The following NCOA3 variants were observed in gnomAD, a reference collection of about 807,000 sequenced individuals.
NCOA3 encodes the protein CBP-interacting protein.
A neutral mutation model predicts 158.8 loss-of-function variants in NCOA3; 51 were observed. That is an observed-to-expected ratio of 0.32 (90% CI 0.26 to 0.41). The LOEUF is 0.41. Among genes scored for constraint, NCOA3 ranks in the 10% least tolerant of loss-of-function variants. The pLI is 1.00. For missense variants in NCOA3, 1,510 were observed against 1,746.6 expected, an observed-to-expected ratio of 0.86 and a Z score of 2.41; for synonymous variants, 537 against 592.4, an observed-to-expected ratio of 0.91 and a Z score of 1.36.
In NCOA3 at chr20:47,639,685, G is replaced by A. The variant is rs1385054217; in HGVS notation, c.2816G>A (p.Gly939Glu). The A allele has an allele frequency of 6.2e-7, 1 of 1,613,988 alleles. No individual in the cohort carries two copies. Among genetic ancestry groups the A allele is most frequent in the Non-Finnish European group, 8.5e-7 (1 of 1,180,016 alleles). Residue 939 changes from glycine to glutamate, a missense_variant, in exon 15 of 23, where the codon GGA becomes GAA. Physicochemically the swap from Gly to Glu is moderately conservative, Grantham distance 98. Coordinates refer to ENST00000371998, the MANE Select transcript of NCOA3 (RefSeq NM_181659.3). ...GAACCTATGAATTCAAACTCCATGG[G>A]AAGACCAGGAGGAGATTATAATACT... ...RMEPMNSNSM[G>E]RPGGDYNTSL...
chr20:47,558,232 A>ATT (rs71183263), intron 1 of NCOA3, among the ~76,000 whole-genome samples: 864 of 55,510 alleles, frequency 0.016, 68 homozygotes, highest in Non-Finnish European at 0.018. Flanking sequence ...CTAATTTTGT[A>ATT]TTTTTTTTTT....
chr20:47,510,697 G>A lies in NCOA3; in HGVS notation c.-99+8678G>A, dbSNP rs72661183. Among the ~76,000 whole-genome samples the A allele has an allele frequency of 1.1e-3, 166 of 152,062 alleles. 1 individual carries two copies. The highest frequency in any genetic ancestry group is 3.7e-3 in the African/African-American group (154 of 41,478). ...CAGCCTTGACCTACTGGGCTCAAGC[G>A]GTCCTCCCAGCGCAGCCTCCCAGTA... On this transcript the variant is annotated intron_variant, in intron 1 of 22. Coordinates refer to ENST00000371998, the MANE Select transcript of NCOA3 (RefSeq NM_181659.3).
chr20:47,553,822 A>G (rs1004020375), intron 1 of NCOA3, among the ~76,000 whole-genome samples: 2 of 152,000 alleles, frequency 1.3e-5, no homozygotes, highest in Non-Finnish European at 2.9e-5. Flanking sequence ...GGTTGGTTCC[A>G]AGTCTTTGCT....
chr20:47,568,433 T>G (rs1034562640), intron 1 of NCOA3, among the ~76,000 whole-genome samples: 1 of 152,168 alleles, frequency 6.6e-6, no homozygotes. Flanking sequence ...AGATAAAAAG[T>G]TATGTTTACA....
intron 2 of NCOA3, among the ~76,000 whole-genome samples, chr20:47,584,619 C>CAAA (rs59337239): frequency 1.8e-5 from 2 of 108,316 alleles, no homozygotes; most frequent in Non-Finnish European, 3.9e-5. Context: ...GACTTCATCT[C>CAAA]AAAAAAAAAA....
intron 3 of NCOA3, among the ~76,000 whole-genome samples, chr20:47,622,785 G>T (rs1199413048): frequency 6.6e-6 from 1 of 152,192 alleles, no homozygotes; most frequent in Non-Finnish European, 1.5e-5. Context: ...AATGTTTTGC[G>T]GGCGGGGTTA....
rs1266186518 is a variant in NCOA3, at chr20:47,576,666, A to G, written c.-98-6517A>G. Among the ~76,000 whole-genome samples the G allele has an allele frequency of 2.0e-5, 3 of 152,310 alleles. No individual in the cohort carries two copies. The East Asian group carries it at 5.8e-4, about 29-fold the overall frequency. ...CCTTATAAGAAAAGGAAAATGTGCA[A>G]TCCTGGTAGCCAATGAGTTAATGTT... is the stretch of plus-strand genomic sequence containing the variant. On this transcript the variant is annotated intron_variant, in intron 1 of 22. Coordinates refer to ENST00000371998, the MANE Select transcript of NCOA3 (RefSeq NM_181659.3).
intron 2 of NCOA3, among the ~76,000 whole-genome samples, chr20:47,613,961 C>T (rs899481134): frequency 1.3e-5 from 2 of 152,026 alleles, no homozygotes; most frequent in Non-Finnish European, 2.9e-5. Flanking sequence ...TACTTATCTC[C>T]TCACAGCTCT....
chr20:47,633,883 G>A, intron 9 of NCOA3, 165 bp from the exon 10 acceptor site: 1 of 921,120 alleles, frequency 1.1e-6, no homozygotes, highest in Admixed American at 2.8e-5. Flanking sequence ...GTAGGAAAAT[G>A]ATGCCTGAGT....
At chr20:47,588,054 A>G (rs938198387) in intron 2 of NCOA3, among the ~76,000 whole-genome samples, 2 of 150,578 alleles carry the variant, frequency 1.3e-5, no homozygotes, top group Non-Finnish European at 1.5e-5. Context: ...CCACCTCCCA[A>G]TTTTACCCAA....
chr20:47,639,490 A>T, intron 14 of NCOA3, 87 bp from the exon 15 acceptor site: 1 of 1,516,880 alleles, frequency 6.6e-7, no homozygotes, highest in Non-Finnish European at 8.9e-7. Context: ...GTCAAGGTTG[A>T]TGTTGTGTAT....
intron 1 of NCOA3, among the ~76,000 whole-genome samples, chr20:47,538,737 G>C (rs540192006): frequency 1.4e-4 from 22 of 152,128 alleles, no homozygotes; most frequent in African/African-American, 4.6e-4. Flanking sequence ...GTAGAGACAG[G>C]GTTTCCCCAT....
intron 1 of NCOA3, among the ~76,000 whole-genome samples, chr20:47,511,978 C>T (rs550524910): frequency 6.6e-6 from 1 of 151,834 alleles, no homozygotes. Context: ...GCAATCTATG[C>T]ATGTAACAAA....
intron 1 of NCOA3, among the ~76,000 whole-genome samples, chr20:47,577,717 T>A (rs186461653): frequency 1.1e-3 from 164 of 152,334 alleles, no homozygotes; most frequent in Middle Eastern, 6.8e-3. Flanking sequence ...CAGCAAGCAT[T>A]TAATTGAAAT....
Position 47,642,240 on chromosome 20 carries a change from T to G in NCOA3, c.3108T>G (p.Asp1036Glu). The change falls in exon 17 of 23, where the codon GAT becomes GAG. Residue 1036 changes from aspartate to glutamate, a missense_variant. By Grantham distance (45) the Asp-to-Glu change is conservative (BLOSUM62 2). Around this residue, in one of 4 missense-constraint regions of NCOA3, gnomAD observed 1,017 missense variants for 1,098.3 expected, o/e 0.93. Transcript: ENST00000371998. The part of the protein sequence containing the change: ...NRPLLRNSLD[D>E]LVGPPSNLEG... ...CTCTTCTTAGGAATTCCCTGGATGA[T>G]CTTGTTGGGCCACCTTCCAACCTGG... is the stretch of plus-strand genomic sequence containing the variant. The G allele has an allele frequency of 6.2e-7, 1 of 1,601,782 alleles. No individual in the cohort carries two copies. Among genetic ancestry groups the G allele is most frequent in the East Asian group, 2.2e-5 (1 of 44,694 alleles).
At chr20:47,525,348 C>T (rs1377070049) in intron 1 of NCOA3, among the ~76,000 whole-genome samples, 22 of 149,838 alleles carry the variant, frequency 1.5e-4, no homozygotes, top group African/African-American at 2.7e-4. Flanking sequence ...TACACAGACA[C>T]GGCAACCATC....
Position 47,656,567 on chromosome 20 carries a change from A to ATTGTT in NCOA3, c.*3153_*3157dup, listed in dbSNP as rs1241795340. ...GGAGCAAAACCTCAAGGATTGATTT[A>ATTGTT]TTGTTTTCAACTCCAAGGCACACTG... On this transcript the variant is annotated 3_prime_UTR_variant, in exon 23 of 23. Transcript: ENST00000371998. The ATTGTT allele has an allele frequency of 2.0e-5, 3 of 152,562 alleles. No homozygotes were observed. Among genetic ancestry groups the ATTGTT allele is most frequent in the African/African-American group, 4.8e-5 (2 of 41,418 alleles). The allele number at this position is 152,562 out of a possible 1,614,324, so 9.5% of individuals were successfully genotyped here.
chr20:47,639,528 G>C, intron 14 of NCOA3, 49 bp from the exon 15 acceptor site: 1 of 1,601,744 alleles, frequency 6.2e-7, no homozygotes, highest in Non-Finnish European at 8.5e-7. Flanking sequence ...GGTATAAGAA[G>C]GATTTCATTA....
intron 1 of NCOA3, among the ~76,000 whole-genome samples, chr20:47,570,515 A>C (rs184155380): frequency 6.6e-6 from 1 of 152,198 alleles, no homozygotes; most frequent in African/African-American, 2.4e-5. Context: ...ATTCAGTCAC[A>C]TCTTCAGATT....
Sources: gnomAD v4.1 joint callset for allele counts (sites outside exome capture counted in the v4.1 genomes callset) on GRCh38, gnomAD v4.1.1 for gene constraint, gnomAD v4.1.1 regional missense constraint, MANE v1.5 for transcripts, NCBI Gene and HGNC (gene_info 2026-07-23, HGNC 2026-07-21) for gene names.